The following CLIC6 variants were observed in gnomAD, a reference collection of about 807,000 sequenced individuals.
CLIC6 encodes CLIC family member 6, also known as chloride intracellular channel protein 6.
In CLIC6, 39 loss-of-function variants were observed where a neutral mutation model predicts 49.2. The observed-to-expected ratio is 0.79, with a 90% CI of 0.61 to 1.04. The LOEUF is 1.04. CLIC6 is among the 50% of genes least tolerant of loss of function. The probability of loss-of-function intolerance (pLI) is 0.00; values close to 1 mark genes in which losing one functional copy is unlikely to be tolerated. For missense variants in CLIC6, 988 were observed against 993.1 expected (o/e 0.99, Z 0.07); for synonymous variants, 446 against 433.4 (o/e 1.03, Z -0.36).
chr21:34,683,596 G>A (rs11909168), intron 1 of CLIC6, among the ~76,000 whole-genome samples: 22,915 of 152,166 alleles, frequency 0.15, 1,845 homozygotes, highest in African/African-American at 0.19. Context: ...ACATGTTGAG[G>A]GAGGGATGTG....
At chr21:34,705,349 A>G (rs748147075) in intron 1 of CLIC6, among the ~76,000 whole-genome samples, 6 of 152,084 alleles carry the variant, frequency 3.9e-5, no homozygotes, top group Non-Finnish European at 7.4e-5. Flanking sequence ...GGGAGTGAGG[A>G]GGAGATGGGG....
In CLIC6 at chr21:34,703,202, C is replaced by T. The variant is rs996853062; in HGVS notation, c.1375-4078C>T. 4.6e-5 allele frequency among the ~76,000 whole-genome samples: 7 copies of T among 152,282 alleles called. No individual in the cohort carries two copies. The South Asian group carries it at 1.0e-3, about 23-fold the overall frequency. On this transcript the variant is annotated intron_variant, in intron 1 of 5. Transcript: ENST00000349499. ...AGAAAATACCCAATTAAAATATTAC[C>T]GCTTTGTGGCCTCTTTATCTTCTCT...
In CLIC6 at chr21:34,681,790, A is replaced by T. The variant is rs138852067; in HGVS notation, c.1374+11028A>T. Reference sequence around the variant, plus strand: ...TAACTTCTGCCTTATTTTATTCATTAGAAATATGATCACTAAGTCCAGTCC... The same window carrying T: ...TAACTTCTGCCTTATTTTATTCATTTGAAATATGATCACTAAGTCCAGTCC... On this transcript the variant is annotated intron_variant, in intron 1 of 5. Transcript: ENST00000349499. Among the ~76,000 whole-genome samples the T allele has an allele frequency of 2.7e-3, 413 of 152,348 alleles. 3 individuals are homozygous for T. Among genetic ancestry groups the T allele is most frequent in the South Asian group, 0.013 (64 of 4,828 alleles).
intron 1 of CLIC6, among the ~76,000 whole-genome samples, chr21:34,703,392 G>A (rs2145815282): frequency 6.6e-6 from 1 of 152,170 alleles, no homozygotes; most frequent in East Asian, 1.9e-4. Context: ...GAGAGTGTGG[G>A]GTGTTGAGGA....
At chr21:34,679,440 G>A (rs183852799) in intron 1 of CLIC6, among the ~76,000 whole-genome samples, 42 of 152,168 alleles carry the variant, frequency 2.8e-4, no homozygotes, top group South Asian at 1.4e-3. Flanking sequence ...TAGCCAAACC[G>A]TATCATTCCA....
At chr21:34,693,737 T>C (rs904058318) in intron 1 of CLIC6, among the ~76,000 whole-genome samples, 1 of 152,162 alleles carries the variant, frequency 6.6e-6, no homozygotes, top group Non-Finnish European at 1.5e-5. Flanking sequence ...CTGCCCACAG[T>C]TCAGGTCGAA....
At chr21:34,713,812 A>G (rs1438098583) in intron 5 of CLIC6, among the ~76,000 whole-genome samples, 2 of 152,220 alleles carry the variant, frequency 1.3e-5, no homozygotes, top group South Asian at 4.1e-4. Context: ...GACATACTTG[A>G]TACATTACTG....
chr21:34,706,732 A>G (rs2056017242), intron 1 of CLIC6, among the ~76,000 whole-genome samples: 1 of 152,128 alleles, frequency 6.6e-6, no homozygotes, highest in African/African-American at 2.4e-5. Flanking sequence ...ATGCACCCAC[A>G]CTGTTGCTTG....
At chr21:34,710,816 A>AAAAAAAC (rs1282975198) in intron 5 of CLIC6, among the ~76,000 whole-genome samples, 1 of 152,028 alleles carries the variant, frequency 6.6e-6, no homozygotes, top group East Asian at 1.9e-4. Flanking sequence ...CCGTCTCAGA[A>AAAAAAAC]AAAAAACAAA....
At chr21:34,714,461 G>A (rs1459210678) in intron 5 of CLIC6, among the ~76,000 whole-genome samples, 5 of 152,144 alleles carry the variant, frequency 3.3e-5, no homozygotes, top group African/African-American at 1.2e-4. Flanking sequence ...GCTGAGGCGG[G>A]TGGATCACTT....
intron 1 of CLIC6, among the ~76,000 whole-genome samples, chr21:34,684,607 C>T (rs1032072219): frequency 2.0e-5 from 3 of 152,228 alleles, no homozygotes; most frequent in Admixed American, 1.3e-4. Flanking sequence ...GATGTCTCAG[C>T]AGCCAGATTG....
chr21:34,709,413 C>A lies in CLIC6; in HGVS notation c.1774C>A (p.Pro592Thr). 1 of 1,614,046 alleles carries A rather than the reference C, an allele frequency of 6.2e-7. No homozygotes were observed. Among genetic ancestry groups the A allele is most frequent in the Non-Finnish European group, 8.5e-7 (1 of 1,179,948 alleles). The change falls in exon 5 of 6, where the codon CCT (proline) becomes ACT (threonine). Residue 592 changes from proline to threonine, a missense_variant. Around this residue, in one of 3 missense-constraint regions of CLIC6, gnomAD observed 647 missense variants for 596.9 expected, o/e 1.08. Transcript: ENST00000349499. Reference protein sequence around the residue: ...LRKLDNYLNSPLPDEIDAYST... With the variant: ...LRKLDNYLNSTLPDEIDAYST... The stretch of plus-strand genomic sequence containing the variant: ...GAAGCTGGATAATTACTTAAATAGC[C>A]CTCTGCCTGATGAAATAGATGCCTA...
intron 1 of CLIC6, among the ~76,000 whole-genome samples, chr21:34,675,586 A>G (rs1030061683): frequency 6.6e-6 from 1 of 152,208 alleles, no homozygotes; most frequent in Admixed American, 6.5e-5. Flanking sequence ...ATATGAAATC[A>G]GTACCGGGTT....
In CLIC6 at chr21:34,707,667, C is replaced by T. The variant is rs114689660; in HGVS notation, c.1485-277C>T. Among the ~76,000 whole-genome samples the T allele has an allele frequency of 2.9e-3, 437 of 152,284 alleles. 3 individuals carry two copies. Among genetic ancestry groups the T allele is most frequent in the African/African-American group, 0.01 (421 of 41,544 alleles). ...CTCCCAAGCCTGTCTGAGCACCATCCCTGGCTGATAACACTGGGGAGAGTT... is the reference window on the plus strand; with the variant it reads ...CTCCCAAGCCTGTCTGAGCACCATCTCTGGCTGATAACACTGGGGAGAGTT... On this transcript the variant is annotated intron_variant, in intron 2 of 5. Coordinates refer to ENST00000349499, the MANE Select transcript of CLIC6 (RefSeq NM_053277.3).
chr21:34,670,503 A>C lies in CLIC6; in HGVS notation c.1115A>C (p.Glu372Ala), dbSNP rs1386295969. The change falls in exon 1 of 6, where the codon GAG becomes GCG. Residue 372 changes from glutamate to alanine, a missense_variant. By Grantham distance (107) the Glu-to-Ala change is moderately radical (BLOSUM62 -1). Around this residue, in one of 3 missense-constraint regions of CLIC6, gnomAD observed 647 missense variants for 596.9 expected, o/e 1.08. Transcript: ENST00000349499. Reference protein sequence around the residue: ...GPQQEPGEDEERRERSPEGPR... With the variant: ...GPQQEPGEDEARRERSPEGPR... ...CAGCAGGAGCCGGGGGAGGACGAAG[A>C]GAGACGAGAGCGGAGCCCGGAGGGG... 1.3e-6 allele frequency: 2 copies of C among 1,494,792 alleles called. No individual in the cohort carries two copies. Among genetic ancestry groups the C allele is most frequent in the Admixed American group, 4.8e-5 (2 of 41,518 alleles). 92.6% of individuals were successfully genotyped at this position (1,494,792 alleles called of 1,614,324 possible).
chr21:34,709,718 C>T (rs771624637), intron 5 of CLIC6, among the ~76,000 whole-genome samples, 180 bp downstream of exon 5: 7 of 152,210 alleles, frequency 4.6e-5, no homozygotes, highest in Non-Finnish European at 7.3e-5. Context: ...AGATGGGCTT[C>T]GGGTGTTCTC....
chr21:34,710,033 G>A (rs2056045186), intron 5 of CLIC6, among the ~76,000 whole-genome samples: 1 of 152,082 alleles, frequency 6.6e-6, no homozygotes, highest in East Asian at 1.9e-4. Flanking sequence ...AGTGATTTGG[G>A]AGGCTGAGGT....
intron 1 of CLIC6, among the ~76,000 whole-genome samples, chr21:34,693,907 C>T (rs1228972057): frequency 6.6e-6 from 1 of 151,960 alleles, no homozygotes; most frequent in Non-Finnish European, 1.5e-5. Context: ...GAGAACTCCC[C>T]CCTTGCTGTT....
chr21:34,670,894 C>T (rs1411414212), intron 1 of CLIC6, 132 bp downstream of exon 1: 15 of 1,054,832 alleles, frequency 1.4e-5, no homozygotes, highest in Non-Finnish European at 1.4e-5. Context: ...CTTCCATGCG[C>T]GGGCGGTAGG....
Sources: allele counts gnomAD v4.1 joint callset (sites outside exome capture counted in the v4.1 genomes callset), GRCh38; gene constraint gnomAD v4.1.1; regional missense constraint gnomAD v4.1.1; transcripts MANE v1.5; gene names NCBI Gene and HGNC (gene_info 2026-07-23, HGNC 2026-07-21).